Variants in MICU1 observed in about 807,000 individuals in gnomAD.
The protein encoded by MICU1 is mitochondrial calcium uptake 1.
MICU1 carries 45 observed loss-of-function variants against 56.8 expected under a neutral mutation model. The ratio of observed to expected loss-of-function variants is 0.79; its 90% CI spans 0.62 to 1.02. The LOEUF (loss-of-function observed/expected upper bound fraction) is 1.02. Among genes scored for constraint, MICU1 ranks in the 50% least tolerant of loss-of-function variants. The probability of loss-of-function intolerance (pLI) is 0.00; values close to 1 mark genes in which losing one functional copy is unlikely to be tolerated. For synonymous variants in MICU1, 186 were observed against 195.1 expected (o/e 0.95, Z 0.39); for missense variants, 504 against 587.1 (o/e 0.86, Z 1.46).
rs751900177 is a variant in MICU1 at position 72,375,763 on chromosome 10, C to T, written c.1270+20G>A. The T allele has an allele frequency of 6.2e-7, 1 of 1,606,568 alleles. No homozygotes were observed. The highest frequency in any genetic ancestry group is 1.7e-5 in the Admixed American group (1 of 58,562). ...GCAGCTAGGCTGTTTCCCCTCCGGG[C>T]TCCAGAGGGCCCCACTCACCATCAC... On this transcript the variant is annotated intron_variant, in intron 11 of 11. Transcript: ENST00000361114.
chr10:72,416,565 A>C (rs1863989842), intron 9 of MICU1, among the ~76,000 whole-genome samples: 1 of 152,232 alleles, frequency 6.6e-6, no homozygotes, highest in Non-Finnish European at 1.5e-5. Flanking sequence ...TTTTATTAGA[A>C]CTGTTTGATA....
intron 5 of MICU1, among the ~76,000 whole-genome samples, chr10:72,521,061 G>A (rs912580882): frequency 1.3e-5 from 2 of 152,024 alleles, no homozygotes; most frequent in Admixed American, 6.6e-5. Context: ...CAGCAGTGTT[G>A]TTTTTAGTCA....
At chr10:72,432,616 C>T (rs1410766764) in intron 8 of MICU1, among the ~76,000 whole-genome samples, 1 of 152,122 alleles carries the variant, frequency 6.6e-6, no homozygotes, top group Non-Finnish European at 1.5e-5. Flanking sequence ...TGGGAGCAGG[C>T]ATATTACATG....
intron 9 of MICU1, among the ~76,000 whole-genome samples, chr10:72,415,450 G>A (rs1863954498): frequency 6.6e-6 from 1 of 152,304 alleles, no homozygotes; most frequent in African/African-American, 2.4e-5. Context: ...TACTATGCCT[G>A]TCTTGCTCTA....
intron 4 of MICU1, among the ~76,000 whole-genome samples, chr10:72,544,876 T>C (rs769128994): frequency 3.9e-5 from 6 of 152,250 alleles, no homozygotes; most frequent in Non-Finnish European, 8.8e-5. Context: ...CTAAAGTTCA[T>C]CTGCTCCCCT....
chr10:72,422,121 G>A (rs1864195683), intron 9 of MICU1, among the ~76,000 whole-genome samples: 1 of 152,192 alleles, frequency 6.6e-6, no homozygotes, highest in Admixed American at 6.5e-5. Flanking sequence ...GGCCTTAGAG[G>A]AAATAACAAG....
chr10:72,387,414 C>T (rs367658767), intron 10 of MICU1, among the ~76,000 whole-genome samples: 3 of 152,168 alleles, frequency 2.0e-5, no homozygotes, highest in East Asian at 3.8e-4. Context: ...AAACGAACAT[C>T]TGTTTATATA....
chr10:72,609,909 C>G (rs1841796151), intron 1 of MICU1, among the ~76,000 whole-genome samples: 2 of 151,646 alleles, frequency 1.3e-5, no homozygotes, highest in Admixed American at 6.6e-5. Flanking sequence ...GTGGTGCGTG[C>G]CTGTAATCCT....
intron 1 of MICU1, among the ~76,000 whole-genome samples, chr10:72,568,366 G>C (rs1467229354): frequency 6.6e-6 from 1 of 152,062 alleles, no homozygotes; most frequent in Admixed American, 6.5e-5. Context: ...TGAATGCCAG[G>C]TCATAAATTT....
intron 1 of MICU1, among the ~76,000 whole-genome samples, chr10:72,610,333 AT>A (rs201451344): frequency 0.016 from 2,477 of 152,148 alleles, 37 homozygotes; most frequent in Middle Eastern, 0.044. Context: ...TAAAGAAAAA[AT>A]ATATCTAGTC....
chr10:72,435,497 G>C (rs1864681776), intron 8 of MICU1, among the ~76,000 whole-genome samples: 1 of 151,740 alleles, frequency 6.6e-6, no homozygotes, highest in African/African-American at 2.4e-5. Context: ...AGTGATTTCT[G>C]CATTTCCAAT....
At chr10:72,383,410 T>C (rs1862784414) in intron 10 of MICU1, among the ~76,000 whole-genome samples, 1 of 152,202 alleles carries the variant, frequency 6.6e-6, no homozygotes, top group Non-Finnish European at 1.5e-5. Context: ...ATTTTGTAGA[T>C]ATAAAATCAA....
chr10:72,588,009 A>G (rs887165011), intron 1 of MICU1, among the ~76,000 whole-genome samples: 1 of 152,024 alleles, frequency 6.6e-6, no homozygotes. Context: ...GTCCCCACCT[A>G]AATCTCATGT....
At chr10:72,604,723 C>T (rs1841642498) in intron 1 of MICU1, among the ~76,000 whole-genome samples, 1 of 152,100 alleles carries the variant, frequency 6.6e-6, no homozygotes, top group Non-Finnish European at 1.5e-5. Flanking sequence ...TGCTACTGAA[C>T]ATATAGGTAA....
chr10:72,397,491 T>C (rs1269559432), intron 10 of MICU1, among the ~76,000 whole-genome samples: 1 of 152,076 alleles, frequency 6.6e-6, no homozygotes, highest in Non-Finnish European at 1.5e-5. Context: ...GACTGGCAAA[T>C]TGGATAAAGA....
chr10:72,595,969 A>T (rs568953040), intron 1 of MICU1, among the ~76,000 whole-genome samples: 7 of 136,572 alleles, frequency 5.1e-5, no homozygotes, highest in Non-Finnish European at 8.0e-5. Flanking sequence ...TGTCTCCACA[A>T]TAAAAAAATT....
At chr10:72,599,778 T>C (rs1225483297) in intron 1 of MICU1, among the ~76,000 whole-genome samples, 1 of 152,182 alleles carries the variant, frequency 6.6e-6, no homozygotes, top group African/African-American at 2.4e-5. Context: ...AATACCAATG[T>C]ATGAAATTCA....
At chr10:72,405,288 C>T (rs948484488) in intron 10 of MICU1, among the ~76,000 whole-genome samples, 1 of 152,020 alleles carries the variant, frequency 6.6e-6, no homozygotes, top group Non-Finnish European at 1.5e-5. Flanking sequence ...GGCGCAATCT[C>T]GGCTCACTGC....
intron 2 of MICU1, among the ~76,000 whole-genome samples, chr10:72,566,324 G>A (rs1201924931): frequency 2.0e-5 from 3 of 152,148 alleles, no homozygotes; most frequent in Non-Finnish European, 2.9e-5. Context: ...GGGATTACAG[G>A]TGTAAGCCAC....
Sources: allele counts gnomAD v4.1 joint callset (sites outside exome capture counted in the v4.1 genomes callset), GRCh38; gene constraint gnomAD v4.1.1; transcripts MANE v1.5; gene names NCBI Gene and HGNC (gene_info 2026-07-23, HGNC 2026-07-21).